The following NIPSNAP2 variants were observed in gnomAD, a reference collection of about 807,000 sequenced individuals.
NIPSNAP2 encodes protein NipSnap homolog 2.
Under a neutral mutation model 48.4 loss-of-function variants are expected in NIPSNAP2, and 42 were observed. The ratio of observed to expected loss-of-function variants is 0.87; its 90% CI spans 0.68 to 1.12. The LOEUF (loss-of-function observed/expected upper bound fraction) is 1.12, where lower values mean the gene tolerates loss of function less well. Ranked by LOEUF, NIPSNAP2 falls within the 50% of genes most tolerant of loss-of-function variation. The pLI is 0.00. For missense variants in NIPSNAP2, 314 were observed against 347.3 expected (o/e 0.90, Z 0.76); for synonymous variants, 158 against 126.6 (o/e 1.25, Z -1.67).
At chr7:55,964,888 T>G (rs1264283458) in intron 1 of NIPSNAP2, 187 bp downstream of exon 1, 1 of 214,682 alleles carries the variant, frequency 4.7e-6, no homozygotes, top group African/African-American at 2.3e-5. Context: ...GTCCTCGGGC[T>G]CAAGGTCACG....
In NIPSNAP2 at chr7:55,967,657, T is replaced by G. The variant is rs191289856; in HGVS notation, c.92+2956T>G. Among the ~76,000 whole-genome samples, 651 of 151,206 alleles carry G rather than the reference T, an allele frequency of 4.3e-3. 6 individuals carry two copies. Among genetic ancestry groups the G allele is most frequent in the East Asian group, 0.015 (77 of 5,148 alleles). On this transcript the variant is annotated intron_variant, in intron 1 of 9. Coordinates refer to ENST00000322090, the MANE Select transcript of NIPSNAP2 (RefSeq NM_001483.3). ...ATTATTTATTTATTTATTTATTTAT[T>G]TATTTATTTGAGACAGAGTGTCACT...
chr7:55,994,891 C>T lies in NIPSNAP2; in HGVS notation c.618-3C>T, dbSNP rs746242446. On this transcript the variant is annotated splice_region_variant and splice_polypyrimidine_tract_variant and intron_variant, in intron 7 of 9. Transcript: ENST00000322090. ...TTAAACAAACATCATCTCATTCTTACAGGGCTCGTGCAATCCGCTTCAGAC... is the reference window on the plus strand; with the variant it reads ...TTAAACAAACATCATCTCATTCTTATAGGGCTCGTGCAATCCGCTTCAGAC... 3 of 1,613,636 alleles carry T rather than the reference C, an allele frequency of 1.9e-6. No individual in the cohort carries two copies. Among genetic ancestry groups the T allele is most frequent in the Admixed American group, 1.7e-5 (1 of 60,022 alleles).
rs114348399 is a variant in NIPSNAP2 at position 55,985,636 on chromosome 7, A to G, written c.617+758A>G. Among the ~76,000 whole-genome samples the G allele has an allele frequency of 8.8e-3, 1,324 of 151,216 alleles. 21 individuals carry two copies. The highest frequency in any genetic ancestry group is 0.031 in the African/African-American group (1,263 of 41,274). On this transcript the variant is annotated intron_variant, in intron 7 of 9. Transcript: ENST00000322090. ...ATGCCACATGCCTGAGGTCCCAGGT[A>G]TTTGAGAGGCTGAGTAAGAGAATTG...
rs1041998442 is a variant in NIPSNAP2, at chr7:55,995,101, C to T, written c.712+113C>T. 10 of 843,842 alleles carry T rather than the reference C, an allele frequency of 1.2e-5. No individual in the cohort carries two copies. The Admixed American group carries it at 1.6e-4, about 13-fold the overall frequency. The allele number at this position is 843,842 out of a possible 1,614,324, so 52.3% of individuals were successfully genotyped here. A position where few individuals can be genotyped will look rare whatever the true frequency, so the allele number is the denominator to read the frequency against. Reference sequence around the variant, plus strand: ...ACCTTAACCACTACAGCAAATCCGACGTCACAGAGGGACAGTCTGTACGGG... The same window carrying T: ...ACCTTAACCACTACAGCAAATCCGATGTCACAGAGGGACAGTCTGTACGGG... On this transcript the variant is annotated intron_variant, in intron 8 of 9. Transcript: ENST00000322090.
chr7:55,976,742 A>G (rs1052163771), intron 1 of NIPSNAP2, among the ~76,000 whole-genome samples: 2 of 152,076 alleles, frequency 1.3e-5, no homozygotes, highest in Non-Finnish European at 2.9e-5. Flanking sequence ...AAAAAAATTA[A>G]CCATGCAAGA....
chr7:55,975,696 C>A (rs2116340363), intron 1 of NIPSNAP2, among the ~76,000 whole-genome samples: 1 of 152,146 alleles, frequency 6.6e-6, no homozygotes. Context: ...TGTGAAAAAC[C>A]AAGAAGATGA....
intron 3 of NIPSNAP2, 90 bp from the exon 4 acceptor site, chr7:55,981,383 G>A: frequency 1.2e-6 from 1 of 813,594 alleles, no homozygotes; most frequent in Non-Finnish European, 2.1e-6. Context: ...CACAGAGTAG[G>A]TGGTCTTTTT....
chr7:55,984,334 T>C (rs1046703448), intron 6 of NIPSNAP2, among the ~76,000 whole-genome samples: 2 of 152,170 alleles, frequency 1.3e-5, no homozygotes, highest in Non-Finnish European at 2.9e-5. Context: ...CCCAGCACTT[T>C]GGGAGGCCAA....
Position 55,983,734 on chromosome 7 carries a change from T to G in NIPSNAP2, c.451T>G (p.Leu151Val), listed in dbSNP as rs538674610. The G allele has an allele frequency of 6.8e-6, 11 of 1,613,296 alleles. No homozygotes were observed. The East Asian group carries it at 2.5e-4, about 36-fold the overall frequency. The change falls in exon 6 of 10, where the codon TTG becomes GTG. Residue 151 changes from leucine (L) to valine (V), a missense_variant. Around this residue, in one of 2 missense-constraint regions of NIPSNAP2, gnomAD observed 198 missense variants for 185.5 expected, o/e 1.07. Transcript: ENST00000322090. ...ACATTTTTTTCACTCAAAGGAATTTTTGGAATTTCGTAAGGCAAGAAGTGA... is the reference window on the plus strand; with the variant it reads ...ACATTTTTTTCACTCAAAGGAATTTGTGGAATTTCGTAAGGCAAGAAGTGA... ...MNKLRENKEF[L>V]EFRKARSDML...
chr7:55,982,172 A>T (rs1787228826), intron 4 of NIPSNAP2, 38 bp from the exon 5 acceptor site: 5 of 1,350,292 alleles, frequency 3.7e-6, no homozygotes, highest in Non-Finnish European at 5.3e-6. Flanking sequence ...AGTATCATGA[A>T]ATTCTAAACG....
At chr7:55,970,674 C>T (rs187967666) in intron 1 of NIPSNAP2, among the ~76,000 whole-genome samples, 1 of 152,134 alleles carries the variant, frequency 6.6e-6, no homozygotes, top group Non-Finnish European at 1.5e-5. Context: ...AAGTCGCCCT[C>T]GCCTCGCCCT....
Position 55,978,331 on chromosome 7 carries a change from G to T in NIPSNAP2, c.233-19G>T. 1.2e-6 allele frequency: 2 copies of T among 1,613,024 alleles called. No individual in the cohort carries two copies. Among genetic ancestry groups the T allele is most frequent in the Middle Eastern group, 3.3e-4 (2 of 6,060 alleles). On this transcript the variant is annotated intron_variant, in intron 2 of 9. Coordinates refer to ENST00000322090, the MANE Select transcript of NIPSNAP2 (RefSeq NM_001483.3). Reference sequence around the variant, plus strand: ...CCCCTTTGTTCCTAAGTTTATCGTTGAATTTTCTTTTGTTTCAGTTCACAA... The same window carrying T: ...CCCCTTTGTTCCTAAGTTTATCGTTTAATTTTCTTTTGTTTCAGTTCACAA...
intron 7 of NIPSNAP2, among the ~76,000 whole-genome samples, chr7:55,985,442 TGCAAAAGACTA>T (rs1194981846): frequency 6.6e-6 from 1 of 151,964 alleles, no homozygotes; most frequent in African/African-American, 2.4e-5. Flanking sequence ...GCTTTAGAAG[TGCAAAAGACTA>T]GCCAGGTGCA....
At chr7:55,985,764 A>G (rs998556076) in intron 7 of NIPSNAP2, among the ~76,000 whole-genome samples, 3 of 150,716 alleles carry the variant, frequency 2.0e-5, no homozygotes, top group African/African-American at 7.3e-5. Context: ...AAAAAAAAAA[A>G]AGTCCGGGCA....
At chr7:55,966,006 G>A (rs1484664516) in intron 1 of NIPSNAP2, among the ~76,000 whole-genome samples, 1 of 152,184 alleles carries the variant, frequency 6.6e-6, no homozygotes, top group Non-Finnish European at 1.5e-5. Flanking sequence ...AAATGTGAGT[G>A]CCTACCACGT....
chr7:55,975,233 G>A (rs1221030721), intron 1 of NIPSNAP2, among the ~76,000 whole-genome samples: 5 of 152,084 alleles, frequency 3.3e-5, no homozygotes, highest in African/African-American at 1.2e-4. Flanking sequence ...TGCATATGTT[G>A]TCCCAGCTAA....
chr7:55,967,387 C>T (rs1584336219), intron 1 of NIPSNAP2, among the ~76,000 whole-genome samples: 2 of 152,232 alleles, frequency 1.3e-5, no homozygotes, highest in African/African-American at 2.4e-5. Flanking sequence ...CTTCACTGCC[C>T]TAGCTCAACC....
chr7:55,979,733 G>GT, intron 3 of NIPSNAP2: 1 of 454,302 alleles, frequency 2.2e-6, no homozygotes, highest in South Asian at 1.6e-5. Flanking sequence ...TTTTCATCAC[G>GT]TTTTTTCTTT....
Position 55,981,575 on chromosome 7 carries a change from G to A in NIPSNAP2, c.373+8G>A. 1.9e-6 allele frequency: 3 copies of A among 1,605,092 alleles called. No individual in the cohort carries two copies. The highest frequency in any genetic ancestry group is 1.7e-6 in the Non-Finnish European group (2 of 1,172,514). On this transcript the variant is annotated splice_region_variant and intron_variant, in intron 4 of 9. Transcript: ENST00000322090. Reference sequence around the variant, plus strand: ...GCGAGCAGGACCAAGCTGGTAGGAAGCGAAGTCTTTGGAATAAACACTTCT... The same window carrying A: ...GCGAGCAGGACCAAGCTGGTAGGAAACGAAGTCTTTGGAATAAACACTTCT...
Sources: allele counts gnomAD v4.1 joint callset (sites outside exome capture counted in the v4.1 genomes callset), GRCh38; gene constraint gnomAD v4.1.1; regional missense constraint gnomAD v4.1.1; transcripts MANE v1.5; gene names NCBI Gene and HGNC (gene_info 2026-07-23, HGNC 2026-07-21).